Variants in LYN observed in about 807,000 individuals in gnomAD.
The protein encoded by LYN is tyrosine-protein kinase Lyn.
Under a neutral mutation model 65.0 loss-of-function variants are expected in LYN, and 12 were observed. The observed-to-expected ratio is 0.18, with a 90% confidence interval of 0.12 to 0.30. The LOEUF (loss-of-function observed/expected upper bound fraction) is 0.30, where lower values mean the gene tolerates loss of function less well. Among genes scored for constraint, LYN ranks in the 10% least tolerant of loss-of-function variants. The pLI, the probability that LYN is intolerant of heterozygous loss-of-function variation, is 1.00. For missense variants in LYN, 380 were observed against 623.2 expected, an observed-to-expected ratio of 0.61 and a Z score of 4.16; for synonymous variants, 222 against 221.2, an observed-to-expected ratio of 1.00 and a Z score of -0.03.
intron 8 of LYN, among the ~76,000 whole-genome samples, chr8:55,959,919 A>C (rs1227085306): frequency 6.6e-6 from 1 of 152,226 alleles, no homozygotes; most frequent in African/African-American, 2.4e-5. Context: ...GGCCCAAAGG[A>C]GCACATATTA....
At chr8:55,939,559 C>T (rs1806538650) in intron 1 of LYN, among the ~76,000 whole-genome samples, 2 of 152,068 alleles carry the variant, frequency 1.3e-5, no homozygotes, top group South Asian at 4.1e-4. Flanking sequence ...ATTCCCTGTG[C>T]CCTGGTTGTG....
chr8:55,950,873 G>A (rs1470568258), intron 6 of LYN, 89 bp downstream of exon 6: 7 of 913,972 alleles, frequency 7.7e-6, no homozygotes, highest in South Asian at 5.6e-5. Flanking sequence ...GGAAAAAAGG[G>A]CATATAGTAT....
rs536904426 is a variant in LYN, at chr8:55,952,414, G to A, written c.637+299G>A. Among the ~76,000 whole-genome samples the A allele has an allele frequency of 5.6e-4, 85 of 152,060 alleles. 1 individual carries two copies. In the South Asian group the frequency reaches 5.8e-3, roughly 10 times the overall value. On this transcript the variant is annotated intron_variant, in intron 7 of 12. Transcript: ENST00000519728. ...TCTCTACTAGAAAAAAAAAAAATTA[G>A]CCAGGCATAGTGGTGCGTGCCTGTA...
At chr8:55,955,873 T>G (rs1807091887) in intron 8 of LYN, among the ~76,000 whole-genome samples, 1 of 152,258 alleles carries the variant, frequency 6.6e-6, no homozygotes, top group Admixed American at 6.5e-5. Context: ...TATGGCTGAG[T>G]AATATTCCAT....
intron 1 of LYN, among the ~76,000 whole-genome samples, chr8:55,880,371 A>G (rs1229410076): frequency 3.3e-5 from 5 of 151,698 alleles, no homozygotes; most frequent in Non-Finnish European, 1.5e-5. Flanking sequence ...GGAGCCGCGC[A>G]GGGGAGCGGT....
intron 1 of LYN, among the ~76,000 whole-genome samples, chr8:55,911,510 A>G (rs1267951758): frequency 6.6e-6 from 1 of 151,784 alleles, no homozygotes; most frequent in Non-Finnish European, 1.5e-5. Flanking sequence ...GTACAGACTG[A>G]GATGACTCTC....
chr8:55,881,600 T>A (rs1804655123), intron 1 of LYN, among the ~76,000 whole-genome samples: 1 of 152,202 alleles, frequency 6.6e-6, no homozygotes, highest in African/African-American at 2.4e-5. Flanking sequence ...TGTAAATGTG[T>A]GGCCCTTTTG....
chr8:55,984,354 G>C (rs934991827), intron 10 of LYN, among the ~76,000 whole-genome samples: 1 of 152,204 alleles, frequency 6.6e-6, no homozygotes, highest in African/African-American at 2.4e-5. Context: ...TCTGCCCAAA[G>C]ATGTGTGTTG....
chr8:56,005,486 C>T (rs114496048), intron 12 of LYN, among the ~76,000 whole-genome samples: 3 of 152,202 alleles, frequency 2.0e-5, no homozygotes, highest in Non-Finnish European at 2.9e-5. Context: ...ATATGCTGAC[C>T]ACACAGTGTG....
chr8:55,907,868 A>G (rs1248714523), intron 1 of LYN, among the ~76,000 whole-genome samples: 4 of 152,332 alleles, frequency 2.6e-5, no homozygotes, highest in African/African-American at 7.2e-5. Flanking sequence ...CCTGTTTCAC[A>G]TAAATAAGTA....
chr8:55,945,619 C>A (rs1196819616), intron 2 of LYN, among the ~76,000 whole-genome samples: 1 of 152,212 alleles, frequency 6.6e-6, no homozygotes, highest in Non-Finnish European at 1.5e-5. Context: ...ATCTATCTTA[C>A]AAGAGGCCCA....
At chr8:56,007,987 T>C (rs1808715485) in intron 12 of LYN, among the ~76,000 whole-genome samples, 2 of 151,708 alleles carry the variant, frequency 1.3e-5, no homozygotes, top group South Asian at 4.2e-4. Context: ...GGCATGGTAG[T>C]GGGCACCTGT....
rs372750720 is a variant in LYN, at chr8:55,922,719, A to C, written c.-5-19136A>C. On this transcript the variant is annotated intron_variant, in intron 1 of 12. Transcript: ENST00000519728. ...CAGGCGGAGGCTGCAGTGAGCTGAG[A>C]TTGTGCCACTGCACTCCAGCCTGGG... Among the ~76,000 whole-genome samples, 49 of 152,110 alleles carry C rather than the reference A, an allele frequency of 3.2e-4. No homozygotes were observed. In the East Asian group the frequency reaches 7.8e-3, roughly 24 times the overall value.
chr8:56,009,628 T>C (rs149928989), intron 12 of LYN, among the ~76,000 whole-genome samples: 5 of 152,330 alleles, frequency 3.3e-5, no homozygotes, highest in African/African-American at 4.8e-5. Context: ...ACTAGTCATA[T>C]TGGATTAAGA....
intron 1 of LYN, among the ~76,000 whole-genome samples, chr8:55,905,664 G>T (rs1192503447): frequency 2.6e-5 from 4 of 152,200 alleles, no homozygotes; most frequent in Admixed American, 2.6e-4. Flanking sequence ...TCTTTTCCTA[G>T]TCACCCCCAA....
At chr8:55,963,798 G>T (rs778035246) in intron 8 of LYN, among the ~76,000 whole-genome samples, 1 of 152,084 alleles carries the variant, frequency 6.6e-6, no homozygotes, top group Non-Finnish European at 1.5e-5. Flanking sequence ...CTGGATGCAA[G>T]TTCCTTGCAG....
intron 1 of LYN, among the ~76,000 whole-genome samples, chr8:55,928,171 A>G (rs1806163652): frequency 1.3e-5 from 2 of 152,296 alleles, no homozygotes; most frequent in African/African-American, 2.4e-5. Flanking sequence ...TTTGAGACAG[A>G]ATCTCGCTCT....
At chr8:55,941,688 T>C (rs998764859) in intron 1 of LYN, among the ~76,000 whole-genome samples, 167 bp from the exon 2 acceptor site, 2 of 152,222 alleles carry the variant, frequency 1.3e-5, no homozygotes, top group Admixed American at 6.5e-5. Flanking sequence ...AGTGAATCAA[T>C]GGACAGGCAA....
chr8:55,986,192 C>CA (rs1563324748), intron 10 of LYN, among the ~76,000 whole-genome samples: 11 of 150,698 alleles, frequency 7.3e-5, no homozygotes, highest in African/African-American at 2.4e-4. Flanking sequence ...GAATCCCCCC[C>CA]GCAAAAAAAA....
Sources: gnomAD v4.1 joint callset for allele counts (sites outside exome capture counted in the v4.1 genomes callset) on GRCh38, gnomAD v4.1.1 for gene constraint, MANE v1.5 for transcripts, NCBI Gene and HGNC (gene_info 2026-07-23, HGNC 2026-07-21) for gene names.